Variants in GRM8 observed in about 807,000 individuals in gnomAD.
GRM8 encodes metabotropic glutamate receptor 8.
In GRM8, 47 loss-of-function variants were observed where a neutral mutation model predicts 87.2. That is an observed-to-expected ratio of 0.54 (90% CI 0.43 to 0.69). GRM8 has a LOEUF of 0.69. Ranked by LOEUF, GRM8 falls within the 30% of genes least tolerant of loss-of-function variation. The pLI, the probability that GRM8 is intolerant of heterozygous loss-of-function variation, is 0.00. For missense variants in GRM8, 1,019 were observed against 1,139.2 expected (o/e 0.89, Z 1.52); for synonymous variants, 396 against 404.5 (o/e 0.98, Z 0.25).
At chr7:126,470,416 T>C (rs1291510032) in intron 9 of GRM8, among the ~76,000 whole-genome samples, 1 of 143,754 alleles carries the variant, frequency 7.0e-6, no homozygotes, top group Non-Finnish European at 1.5e-5. Flanking sequence ...GTTCAATTCC[T>C]ACCTATGAGT....
intron 2 of GRM8, among the ~76,000 whole-genome samples, chr7:127,120,275 T>C (rs1826956570): frequency 6.6e-6 from 1 of 152,200 alleles, no homozygotes. Flanking sequence ...TGAAGACTCT[T>C]TAAAAATTAA....
At chr7:126,857,324 C>A (rs755030680) in intron 6 of GRM8, among the ~76,000 whole-genome samples, 23 of 152,126 alleles carry the variant, frequency 1.5e-4, no homozygotes, top group Non-Finnish European at 2.6e-4. Context: ...TTTTAAGCAA[C>A]CATTTTCCAC....
chr7:126,729,810 A>G (rs1024566749), intron 7 of GRM8, among the ~76,000 whole-genome samples: 3 of 152,166 alleles, frequency 2.0e-5, no homozygotes, highest in Non-Finnish European at 4.4e-5. Flanking sequence ...AAGAATAAGT[A>G]AATGTCTCTC....
intron 9 of GRM8, among the ~76,000 whole-genome samples, chr7:126,491,118 TGA>T (rs1807958336): frequency 6.6e-6 from 1 of 152,070 alleles, no homozygotes; most frequent in Non-Finnish European, 1.5e-5. Context: ...CTATCCACCA[TGA>T]TGTCTGAGGT....
At chr7:127,029,544 T>C (rs1196097397) in intron 3 of GRM8, among the ~76,000 whole-genome samples, 3 of 152,192 alleles carry the variant, frequency 2.0e-5, no homozygotes, top group African/African-American at 7.2e-5. Context: ...ATATTTAGGA[T>C]AGTTAGCTCT....
At chr7:126,971,157 TAAA>T (rs71177581) in intron 3 of GRM8, among the ~76,000 whole-genome samples, 29,646 of 99,062 alleles carry the variant, frequency 0.3, 3,201 homozygotes, top group East Asian at 0.36. Context: ...TTTCAATTTG[TAAA>T]AAAAAAAAAA....
intron 2 of GRM8, among the ~76,000 whole-genome samples, chr7:127,138,981 T>C (rs1345779621): frequency 6.6e-6 from 1 of 152,130 alleles, no homozygotes; most frequent in Non-Finnish European, 1.5e-5. Flanking sequence ...ACAATATTCC[T>C]CATTTCACAG....
At chr7:126,872,237 T>G (rs1307570066) in intron 6 of GRM8, among the ~76,000 whole-genome samples, 1 of 152,176 alleles carries the variant, frequency 6.6e-6, no homozygotes, top group African/African-American at 2.4e-5. Context: ...AGGGCTGTTC[T>G]GCCCTATCTC....
At chr7:126,821,580 G>T (rs1470478695) in intron 6 of GRM8, among the ~76,000 whole-genome samples, 1 of 152,160 alleles carries the variant, frequency 6.6e-6, no homozygotes, top group East Asian at 1.9e-4. Context: ...ATGATTTTGA[G>T]CTCTCCTCAG....
At chr7:127,070,141 T>C (rs1057389153) in intron 3 of GRM8, among the ~76,000 whole-genome samples, 2 of 151,938 alleles carry the variant, frequency 1.3e-5, no homozygotes, top group African/African-American at 4.9e-5. Flanking sequence ...TACCATTCAC[T>C]AAAATAAGTG....
chr7:126,765,861 T>C (rs1014716683), intron 7 of GRM8, among the ~76,000 whole-genome samples: 2 of 152,094 alleles, frequency 1.3e-5, no homozygotes, highest in African/African-American at 4.8e-5. Flanking sequence ...ATTCAGAATG[T>C]GCTTAAAATA....
rs1009623326 is a variant in GRM8, at chr7:126,439,042, G to T, written c.*77C>A. On this transcript the variant is annotated 3_prime_UTR_variant, in exon 11 of 11. Coordinates refer to ENST00000339582, the MANE Select transcript of GRM8 (RefSeq NM_000845.3). ...GATTGTAGTCTACGGAGATCTCCAG[G>T]AGTGAATTTTTGCGGTCTCATGTTC... The T allele has an allele frequency of 9.4e-6, 8 of 846,806 alleles. No individual in the cohort carries two copies. Among genetic ancestry groups the T allele is most frequent in the Non-Finnish European group, 1.7e-5 (8 of 481,712 alleles). The allele number at this position is 846,806 out of a possible 1,614,324, so 52.5% of individuals were successfully genotyped here. A position where few individuals can be genotyped will look rare whatever the true frequency, so the allele number is the denominator to read the frequency against.
chr7:127,058,150 A>C (rs769705252), intron 3 of GRM8: 4 of 522,508 alleles, frequency 7.7e-6, no homozygotes, highest in Non-Finnish European at 1.2e-5. Context: ...ATCACAACAC[A>C]TCATCGCATA....
chr7:126,893,568 A>G (rs548110571), intron 6 of GRM8, among the ~76,000 whole-genome samples: 1 of 152,134 alleles, frequency 6.6e-6, no homozygotes, highest in South Asian at 2.1e-4. Flanking sequence ...CTGGCCATAC[A>G]TTATAGACCA....
Position 127,243,128 on chromosome 7 carries a change from G to C in GRM8, c.77C>G (p.Thr26Arg). Residue 26 changes from threonine to arginine, a missense_variant, in exon 2 of 11, where the codon ACA (threonine) becomes AGA (arginine). Physicochemically the swap from Thr to Arg is moderately conservative, Grantham distance 71. Coordinates refer to ENST00000339582, the MANE Select transcript of GRM8 (RefSeq NM_000845.3). The part of the protein sequence containing the change: ...LLTAKFYWIL[T>R]MMQRTHSQEY... ...CTGGCTGTGAGTTCTTTGCATCATT[G>C]TGAGGATCCAGTAGAACTTGGCGGT... 2 of 1,613,852 alleles carry C rather than the reference G, an allele frequency of 1.2e-6. No homozygotes were observed. Among genetic ancestry groups the C allele is most frequent in the East Asian group, 2.2e-5 (1 of 44,878 alleles).
intron 3 of GRM8, among the ~76,000 whole-genome samples, chr7:126,941,335 C>T (rs17865482): frequency 0.016 from 2,435 of 151,570 alleles, 61 homozygotes; most frequent in African/African-American, 0.056. Context: ...AGGCCTTGCG[C>T]GGTGACTCAC....
chr7:126,863,198 G>C (rs1204516), intron 6 of GRM8, among the ~76,000 whole-genome samples: 1 of 151,874 alleles, frequency 6.6e-6, no homozygotes, highest in Non-Finnish European at 1.5e-5. Context: ...TATTTAACTT[G>C]CTTCATTAAC....
At chr7:126,654,784 G>C (rs1370902831) in intron 7 of GRM8, among the ~76,000 whole-genome samples, 2 of 152,158 alleles carry the variant, frequency 1.3e-5, no homozygotes, top group Admixed American at 1.3e-4. Flanking sequence ...GGTAAGACTA[G>C]GGAAGCTGAG....
intron 2 of GRM8, chr7:127,111,135 T>C (rs925006337): frequency 3.3e-5 from 5 of 152,190 alleles, no homozygotes; most frequent in Non-Finnish European, 1.5e-5. Flanking sequence ...AGCTGAATTA[T>C]CTCGAACGCA....
Sources: allele counts gnomAD v4.1 joint callset (sites outside exome capture counted in the v4.1 genomes callset), GRCh38; gene constraint gnomAD v4.1.1; transcripts MANE v1.5; gene names NCBI Gene and HGNC (gene_info 2026-07-23, HGNC 2026-07-21).